The following MATN2 variants were observed in gnomAD, a reference collection of about 807,000 sequenced individuals.
The protein encoded by MATN2 is matrilin-2.
In MATN2, 69 loss-of-function variants were observed where a neutral mutation model predicts 103.2. That is an observed-to-expected ratio of 0.67 (90% CI 0.55 to 0.82). MATN2 has a LOEUF of 0.82. Ranked by LOEUF, MATN2 falls within the 40% of genes least tolerant of loss-of-function variation. The pLI is 0.00. For missense variants in MATN2, 1,023 were observed against 1,211.5 expected, an observed-to-expected ratio of 0.84 and a Z score of 2.31; for synonymous variants, 429 against 450.2, an observed-to-expected ratio of 0.95 and a Z score of 0.60.
chr8:97,979,217 A>G (rs1038423972), intron 6 of MATN2, among the ~76,000 whole-genome samples: 1 of 152,254 alleles, frequency 6.6e-6, no homozygotes, highest in South Asian at 2.1e-4. Flanking sequence ...TTCAAGGAAT[A>G]TGATGAAGGC....
chr8:97,963,337 T>A (rs1471846995), intron 5 of MATN2, among the ~76,000 whole-genome samples: 1 of 151,890 alleles, frequency 6.6e-6, no homozygotes, highest in Non-Finnish European at 1.5e-5. Context: ...ATGAGGGTAA[T>A]GGGTTGATTA....
At chr8:97,901,253 C>A (rs1486303472) in intron 2 of MATN2, among the ~76,000 whole-genome samples, 2 of 148,392 alleles carry the variant, frequency 1.3e-5, no homozygotes, top group African/African-American at 4.9e-5. Flanking sequence ...TTCTGATACA[C>A]TTTTTTTTTT....
Position 98,030,454 on chromosome 8 carries a change from C to T in MATN2, c.2357-8C>T. The T allele has an allele frequency of 6.2e-7, 1 of 1,608,906 alleles. No homozygotes were observed. The highest frequency in any genetic ancestry group is 8.5e-7 in the Non-Finnish European group (1 of 1,177,904). On this transcript the variant is annotated splice_region_variant and splice_polypyrimidine_tract_variant and intron_variant, in intron 14 of 18. Coordinates refer to ENST00000254898, the MANE Select transcript of MATN2 (RefSeq NM_002380.5). Reference sequence around the variant, plus strand: ...ACTAACTTGCTCTTAATTTTTCCTGCACCCTAGGTATCACTATGTATGCTG... The same window carrying T: ...ACTAACTTGCTCTTAATTTTTCCTGTACCCTAGGTATCACTATGTATGCTG...
intron 4 of MATN2, chr8:97,950,649 C>T (rs1035148834): frequency 1.8e-4 from 27 of 152,290 alleles, no homozygotes; most frequent in Middle Eastern, 3.4e-3. Flanking sequence ...TCAGTCCAGT[C>T]AATTCAGTGT....
chr8:97,961,589 A>C, intron 5 of MATN2, 59 bp downstream of exon 5: 1 of 1,519,936 alleles, frequency 6.6e-7, no homozygotes, highest in Non-Finnish European at 8.9e-7. Context: ...GGTGAGGAGG[A>C]GGGGAGACTC....
chr8:97,918,147 T>A (rs896801581), intron 2 of MATN2, among the ~76,000 whole-genome samples: 1 of 152,124 alleles, frequency 6.6e-6, no homozygotes, highest in African/African-American at 2.4e-5. Flanking sequence ...AAAAGAAGAA[T>A]CTCTAGCGAC....
At chr8:97,987,010 T>TG (rs540556317) in intron 6 of MATN2, among the ~76,000 whole-genome samples, 68 of 152,004 alleles carry the variant, frequency 4.5e-4, no homozygotes, top group African/African-American at 1.6e-3. Flanking sequence ...TTTTTTTTTT[T>TG]TTTTGTATTT....
Position 97,889,437 on chromosome 8 carries a change from A to ATC in MATN2, c.142+1213_142+1214dup, listed in dbSNP as rs770695511. 4.9e-3 allele frequency among the ~76,000 whole-genome samples: 560 copies of ATC among 113,580 alleles called. 5 individuals carry two copies. Among genetic ancestry groups the ATC allele is most frequent in the African/African-American group, 0.017 (519 of 30,208 alleles). 74.5% of individuals were successfully genotyped at this position (113,580 alleles called of 152,430 possible). Reference sequence around the variant, plus strand: ...AAGAAATTCCAAGATGATAAACAACATCTCTCTCTCTCTCTCTCTGTCTAT... The same window carrying ATC: ...AAGAAATTCCAAGATGATAAACAACATCTCTCTCTCTCTCTCTCTCTGTCTAT... On this transcript the variant is annotated intron_variant, in intron 2 of 18. Coordinates refer to ENST00000254898, the MANE Select transcript of MATN2 (RefSeq NM_002380.5).
rs980833252 is a variant in MATN2, at chr8:97,978,768, CT to C, written c.959-114del. ...TGGGTTCATAACTGTTTATCCTACT[CT>C]TTTGGGGGGCAATAATATTAATCCT... On this transcript the variant is annotated intron_variant, in intron 5 of 18. Transcript: ENST00000254898. The C allele has an allele frequency of 1.9e-4, 193 of 1,007,542 alleles. 2 individuals are homozygous for C. Among genetic ancestry groups the C allele is most frequent in the South Asian group, 1.6e-3 (112 of 70,660 alleles). The allele number at this position is 1,007,542 out of a possible 1,614,324, so 62.4% of individuals were successfully genotyped here. A position where few individuals can be genotyped will look rare whatever the true frequency, so the allele number is the denominator to read the frequency against.
At chr8:97,879,603 C>A (rs187418482) in intron 1 of MATN2, among the ~76,000 whole-genome samples, 1 of 152,284 alleles carries the variant, frequency 6.6e-6, no homozygotes, top group African/African-American at 2.4e-5. Flanking sequence ...GTGGGAACAC[C>A]AGAATTTATC....
chr8:97,893,892 C>G (rs1262862407), intron 2 of MATN2, among the ~76,000 whole-genome samples: 1 of 152,190 alleles, frequency 6.6e-6, no homozygotes, highest in Non-Finnish European at 1.5e-5. Context: ...CTACAGTCAG[C>G]CAGCTTGTGG....
At chr8:97,992,894 T>C (rs942417847) in intron 6 of MATN2, among the ~76,000 whole-genome samples, 3 of 151,206 alleles carry the variant, frequency 2.0e-5, no homozygotes, top group African/African-American at 7.3e-5. Flanking sequence ...CGCTTCAGCC[T>C]GGGCGATGGA....
chr8:97,889,030 G>A (rs771824328), intron 2 of MATN2, among the ~76,000 whole-genome samples: 23 of 152,222 alleles, frequency 1.5e-4, no homozygotes, highest in South Asian at 1.0e-3. Flanking sequence ...AATAAATGAG[G>A]TAATATACAT....
intron 2 of MATN2, among the ~76,000 whole-genome samples, chr8:97,917,632 T>C (rs532740509): frequency 2.0e-5 from 3 of 152,338 alleles, no homozygotes; most frequent in Middle Eastern, 3.4e-3. Context: ...ACTTTTCTTC[T>C]TCTGCAACCA....
At chr8:97,944,262 A>G (rs1810671109) in intron 4 of MATN2, among the ~76,000 whole-genome samples, 1 of 152,224 alleles carries the variant, frequency 6.6e-6, no homozygotes, top group Admixed American at 6.5e-5. Context: ...AATGACTGCC[A>G]CACTTTGAGA....
chr8:97,921,761 G>A (rs1037396535), intron 2 of MATN2, among the ~76,000 whole-genome samples: 5 of 152,252 alleles, frequency 3.3e-5, no homozygotes, highest in African/African-American at 1.2e-4. Context: ...CTGCTGTGTC[G>A]CACGGTCGTC....
chr8:97,957,645 G>A (rs1475545651), intron 4 of MATN2, among the ~76,000 whole-genome samples: 4 of 152,178 alleles, frequency 2.6e-5, no homozygotes, highest in Non-Finnish European at 5.9e-5. Context: ...CTTGGAGAGG[G>A]GAGCAAGGAC....
At chr8:97,942,518 G>A (rs1810603194) in intron 4 of MATN2, among the ~76,000 whole-genome samples, 1 of 152,152 alleles carries the variant, frequency 6.6e-6, no homozygotes, top group African/African-American at 2.4e-5. Flanking sequence ...CCCCTTAAAG[G>A]ACAGAATTAC....
At chr8:97,876,110 C>G (rs986201030) in intron 1 of MATN2, among the ~76,000 whole-genome samples, 1 of 152,034 alleles carries the variant, frequency 6.6e-6, no homozygotes. Flanking sequence ...CTTCCTGGCT[C>G]TAGCCAACCT....
Sources: allele counts gnomAD v4.1 joint callset (sites outside exome capture counted in the v4.1 genomes callset), GRCh38; gene constraint gnomAD v4.1.1; transcripts MANE v1.5; gene names NCBI Gene and HGNC (gene_info 2026-07-23, HGNC 2026-07-21).